Variants in SMYD3 observed in about 807,000 individuals in gnomAD.
The protein encoded by SMYD3 is SET and MYND domain containing 3, also known as histone-lysine N-methyltransferase SMYD3.
Under a neutral mutation model 57.7 loss-of-function variants are expected in SMYD3, and 36 were observed. That is an observed-to-expected ratio of 0.62 (90% confidence interval 0.48 to 0.82). SMYD3 has a LOEUF of 0.82. Ranked by LOEUF, SMYD3 falls within the 40% of genes least tolerant of loss-of-function variation. The pLI is 0.00. For synonymous variants in SMYD3, 211 were observed against 195.0 expected, an observed-to-expected ratio of 1.08 and a Z score of -0.68; for missense variants, 515 against 538.8, an observed-to-expected ratio of 0.96 and a Z score of 0.44.
intron 5 of SMYD3, among the ~76,000 whole-genome samples, chr1:246,288,070 T>C (rs1397415664): frequency 1.2e-5 from 1 of 82,794 alleles, no homozygotes; most frequent in African/African-American, 4.1e-5. Flanking sequence ...TTCTTTTTTT[T>C]TTTTTTTTTT....
intron 5 of SMYD3, among the ~76,000 whole-genome samples, chr1:245,934,003 C>T (rs2056866271): frequency 6.6e-6 from 1 of 152,034 alleles, no homozygotes; most frequent in African/African-American, 2.4e-5. Flanking sequence ...TTTCAATTTC[C>T]CAATATATAT....
intron 1 of SMYD3, among the ~76,000 whole-genome samples, chr1:246,477,498 G>A (rs2068044500): frequency 6.6e-6 from 1 of 152,222 alleles, no homozygotes; most frequent in African/African-American, 2.4e-5. Flanking sequence ...AGTAGGTGCA[G>A]GCTTTGCAAT....
chr1:245,885,715 A>T (rs2053052986), intron 8 of SMYD3, among the ~76,000 whole-genome samples: 1 of 152,168 alleles, frequency 6.6e-6, no homozygotes, highest in African/African-American at 2.4e-5. Context: ...CTATATAGTT[A>T]TGGGGCAGCT....
intron 5 of SMYD3, among the ~76,000 whole-genome samples, chr1:246,089,490 T>A (rs1390158527): frequency 6.6e-6 from 1 of 152,170 alleles, no homozygotes; most frequent in East Asian, 1.9e-4. Flanking sequence ...CCATCCCTAT[T>A]TCGAGCCAGA....
chr1:246,442,394 C>G (rs966742163), intron 1 of SMYD3, among the ~76,000 whole-genome samples: 1 of 152,024 alleles, frequency 6.6e-6, no homozygotes, highest in Non-Finnish European at 1.5e-5. Flanking sequence ...ACTAAAAATA[C>G]AAAAATCAGC....
At chr1:245,948,376 G>A (rs1423824924) in intron 5 of SMYD3, among the ~76,000 whole-genome samples, 4 of 152,170 alleles carry the variant, frequency 2.6e-5, no homozygotes, top group Non-Finnish European at 5.9e-5. Context: ...CTCTTTGGCT[G>A]GGACCCTGAA....
intron 5 of SMYD3, among the ~76,000 whole-genome samples, chr1:246,180,348 T>TTA (rs1429572096): frequency 4.4e-5 from 6 of 136,284 alleles, no homozygotes; most frequent in African/African-American, 1.3e-4. Flanking sequence ...TATAAACTAC[T>TTA]TATATATATA....
At position 246,101,348 on chromosome 1, in the gene SMYD3, A is replaced by G. The variant is rs577633679; in HGVS notation, c.532-171411T>C. ...AAGACAGGACCTTATTATCCTTTAAATGCTGCTTAAAATGCTCCCAGACTC... is the reference window on the plus strand; with the variant it reads ...AAGACAGGACCTTATTATCCTTTAAGTGCTGCTTAAAATGCTCCCAGACTC... On this transcript the variant is annotated intron_variant, in intron 5 of 11. Transcript: ENST00000490107. 1.8e-4 allele frequency among the ~76,000 whole-genome samples: 28 copies of G among 152,256 alleles called. No homozygotes were observed. In the South Asian group the frequency reaches 4.6e-3, roughly 25 times the overall value.
chr1:246,113,188 T>A (rs1476034150), intron 5 of SMYD3, among the ~76,000 whole-genome samples: 8 of 66,948 alleles, frequency 1.2e-4, no homozygotes, highest in Non-Finnish European at 1.5e-4. Context: ...TCTCAAAAAA[T>A]AAATAAATAA....
chr1:246,270,844 T>C (rs1265093833), intron 5 of SMYD3, among the ~76,000 whole-genome samples: 4 of 152,212 alleles, frequency 2.6e-5, no homozygotes, highest in Admixed American at 6.5e-5. Flanking sequence ...ATAAATGGAA[T>C]TGCTGGATCA....
intron 5 of SMYD3, among the ~76,000 whole-genome samples, chr1:246,239,004 G>A (rs1333282910): frequency 2.6e-5 from 4 of 151,670 alleles, no homozygotes; most frequent in Non-Finnish European, 1.5e-5. Context: ...GTTTTCGGTG[G>A]ATAGTCACGA....
chr1:245,869,843 A>G (rs1413744578), intron 8 of SMYD3, among the ~76,000 whole-genome samples: 1 of 152,166 alleles, frequency 6.6e-6, no homozygotes, highest in Non-Finnish European at 1.5e-5. Flanking sequence ...ACTCCATTTA[A>G]GTCTTTGGCT....
intron 1 of SMYD3, among the ~76,000 whole-genome samples, chr1:246,451,520 G>C (rs939331841): frequency 6.6e-6 from 1 of 152,190 alleles, no homozygotes; most frequent in African/African-American, 2.4e-5. Flanking sequence ...GGGGATTCAG[G>C]GGGCAGGGAA....
At chr1:246,125,149 G>A (rs960969214) in intron 5 of SMYD3, among the ~76,000 whole-genome samples, 1 of 151,592 alleles carries the variant, frequency 6.6e-6, no homozygotes, top group African/African-American at 2.4e-5. Flanking sequence ...CAATGATTAC[G>A]GAACTTTACT....
intron 5 of SMYD3, among the ~76,000 whole-genome samples, chr1:246,254,137 G>C (rs28888511): frequency 0.045 from 6,788 of 152,224 alleles, 514 homozygotes; most frequent in African/African-American, 0.16. Flanking sequence ...TTGATGTGCA[G>C]AAGTTCTTTG....
At chr1:246,423,672 A>T (rs910072285) in intron 1 of SMYD3, among the ~76,000 whole-genome samples, 24 of 151,792 alleles carry the variant, frequency 1.6e-4, no homozygotes, top group African/African-American at 5.3e-4. Context: ...TCAAAAAAAT[A>T]AAAAAAAAGA....
chr1:246,158,803 A>G (rs1024175908), intron 5 of SMYD3, among the ~76,000 whole-genome samples: 16 of 152,316 alleles, frequency 1.1e-4, no homozygotes, highest in Non-Finnish European at 2.4e-4. Flanking sequence ...TTTAATCTAG[A>G]TAACACGTTT....
At chr1:245,755,403 G>A (rs959637235) in intron 11 of SMYD3, among the ~76,000 whole-genome samples, 3 of 152,300 alleles carry the variant, frequency 2.0e-5, no homozygotes, top group South Asian at 2.1e-4. Context: ...GGTCCCATTG[G>A]TTGATGGTGT....
chr1:245,970,383 T>C (rs1049257621), intron 5 of SMYD3, among the ~76,000 whole-genome samples: 2 of 152,252 alleles, frequency 1.3e-5, no homozygotes, highest in African/African-American at 4.8e-5. Flanking sequence ...GGCAATACCA[T>C]TCAGGACATA....
Sources: gnomAD v4.1 joint callset for allele counts (sites outside exome capture counted in the v4.1 genomes callset) on GRCh38, gnomAD v4.1.1 for gene constraint, MANE v1.5 for transcripts, NCBI Gene and HGNC (gene_info 2026-07-23, HGNC 2026-07-21) for gene names.